The following MMS22L variants were observed in gnomAD, a reference collection of about 807,000 sequenced individuals.
The protein encoded by MMS22L is MMS22 like, DNA repair protein.
Under a neutral mutation model 159.1 loss-of-function variants are expected in MMS22L, and 74 were observed. The ratio of observed to expected loss-of-function variants is 0.47; its 90% confidence interval spans 0.39 to 0.56. MMS22L has a LOEUF of 0.56. MMS22L is among the 20% of genes least tolerant of loss of function. The pLI, the probability that MMS22L is intolerant of heterozygous loss-of-function variation, is 0.00. For missense variants in MMS22L, 1,351 were observed against 1,422.1 expected, an observed-to-expected ratio of 0.95 and a Z score of 0.80; for synonymous variants, 517 against 506.9, an observed-to-expected ratio of 1.02 and a Z score of -0.27.
chr6:97,228,916 GT>G lies in MMS22L; in HGVS notation c.2016del (p.Gln673LysfsTer53). ...ESELRTVLSF[L>X]QAVLARIRSM... ...TACCTGATTCTGGCCAGAACAGCTT[GT>G]AGGAAGCTCAATACTGTCCTAAGTT... is the stretch of plus-strand genomic sequence containing the variant. On this transcript the variant is annotated frameshift_variant, in exon 14 of 25. Transcript: ENST00000683635. LOFTEE classifies it high-confidence loss of function. 1 of 1,613,602 alleles carries G rather than the reference GT, an allele frequency of 6.2e-7. No homozygotes were observed.
chr6:97,178,089 A>G (rs533155866), intron 18 of MMS22L, among the ~76,000 whole-genome samples: 1 of 152,284 alleles, frequency 6.6e-6, no homozygotes, highest in South Asian at 2.1e-4. Flanking sequence ...AGGTGGGAGT[A>G]TCATGGAATG....
chr6:97,189,533 A>G (rs1231301884), intron 14 of MMS22L, among the ~76,000 whole-genome samples: 1 of 126,000 alleles, frequency 7.9e-6, no homozygotes, highest in Admixed American at 9.5e-5. Context: ...AGCCTGGGCA[A>G]CAGCGAGACT....
At chr6:97,243,907 G>C (rs1812352577) in intron 11 of MMS22L, among the ~76,000 whole-genome samples, 1 of 152,128 alleles carries the variant, frequency 6.6e-6, no homozygotes, top group African/African-American at 2.4e-5. Context: ...AAAGAGTCCT[G>C]TGATGTGATC....
At chr6:97,171,736 T>C (rs188411177) in intron 19 of MMS22L, among the ~76,000 whole-genome samples, 49 of 152,272 alleles carry the variant, frequency 3.2e-4, no homozygotes, top group Admixed American at 2.9e-3. Context: ...TCAAGGTAAA[T>C]AGAGTACAGT....
rs115211711 is a variant in MMS22L at position 97,167,776 on chromosome 6, T to A, written c.3009+295A>T. ...TGATGTCCTCTACAGTGTATTCTCT[T>A]ATATCTCCTCACCCATAGTCTAATA... On this transcript the variant is annotated intron_variant, in intron 20 of 24. Coordinates refer to ENST00000683635, the MANE Select transcript of MMS22L (RefSeq NM_001350599.2). Among the ~76,000 whole-genome samples the A allele has an allele frequency of 2.9e-3, 434 of 152,096 alleles. 1 individual carries two copies. The highest frequency in any genetic ancestry group is 9.9e-3 in the African/African-American group (412 of 41,446).
At chr6:97,155,763 T>A (rs1293692397) in intron 22 of MMS22L, among the ~76,000 whole-genome samples, 1 of 152,190 alleles carries the variant, frequency 6.6e-6, no homozygotes, top group African/African-American at 2.4e-5. Context: ...ACAATAGACT[T>A]CGCTATTGTA....
chr6:97,171,259 G>T (rs1017040900), intron 19 of MMS22L, among the ~76,000 whole-genome samples: 3 of 152,076 alleles, frequency 2.0e-5, no homozygotes, highest in Middle Eastern at 3.4e-3. Context: ...AATTTGGTGG[G>T]GGCATGTCAA....
chr6:97,165,179 C>T (rs1802833831), intron 21 of MMS22L, 67 bp downstream of exon 21: 4 of 1,428,054 alleles, frequency 2.8e-6, no homozygotes, highest in East Asian at 2.3e-5. Flanking sequence ...GTTTGAAATG[C>T]CACTTTATCA....
chr6:97,237,439 A>G lies in MMS22L; in HGVS notation c.1183-3459T>C, dbSNP rs1363923963. ...CACTTCAAACTACAAGTTCTCCAGA[A>G]AACTTCCTAACTCCCTTACTAGATA... On this transcript the variant is annotated intron_variant, in intron 11 of 24. Transcript: ENST00000683635. Among the ~76,000 whole-genome samples the G allele has an allele frequency of 3.9e-5, 6 of 152,152 alleles. No individual in the cohort carries two copies. The East Asian group carries it at 1.2e-3, about 29-fold the overall frequency.
intron 21 of MMS22L, among the ~76,000 whole-genome samples, chr6:97,162,451 C>T (rs1161127267): frequency 2.0e-5 from 3 of 151,842 alleles, no homozygotes; most frequent in Non-Finnish European, 4.4e-5. Context: ...AAATGAAAGC[C>T]TAACTGTTAA....
intron 14 of MMS22L, among the ~76,000 whole-genome samples, chr6:97,200,425 A>G (rs1807013845): frequency 6.6e-6 from 1 of 152,112 alleles, no homozygotes; most frequent in Non-Finnish European, 1.5e-5. Context: ...AAGCTCCATT[A>G]TTAGGGCTGA....
intron 14 of MMS22L, among the ~76,000 whole-genome samples, chr6:97,197,254 T>C (rs1307026468): frequency 6.6e-6 from 1 of 152,208 alleles, no homozygotes; most frequent in African/African-American, 2.4e-5. Context: ...GATCATCATC[T>C]GATTGTGACA....
At chr6:97,256,047 TATA>T (rs1176605924) in intron 9 of MMS22L, among the ~76,000 whole-genome samples, 8 of 152,158 alleles carry the variant, frequency 5.3e-5, no homozygotes, top group Non-Finnish European at 8.8e-5. Flanking sequence ...TTGCAGGTAA[TATA>T]ATGACTAATA....
chr6:97,229,309 C>T lies in MMS22L; in HGVS notation c.1624G>A (p.Ala542Thr), dbSNP rs766739603. The part of the protein sequence containing the change: ...FSLFLLLAAV[A>T]EVEDVASHVL... Reference sequence around the variant, plus strand: ...TGACTTGCAACATCTTCTACCTCTGCAACAGCTGCTAACAGTAGAAAAAGG... The same window carrying T: ...TGACTTGCAACATCTTCTACCTCTGTAACAGCTGCTAACAGTAGAAAAAGG... Residue 542 changes from alanine (A) to threonine (T), a missense_variant, in exon 14 of 25, where the codon GCA (alanine) becomes ACA (threonine). Coordinates refer to ENST00000683635, the MANE Select transcript of MMS22L (RefSeq NM_001350599.2). 3.7e-6 allele frequency: 6 copies of T among 1,614,118 alleles called. No individual in the cohort carries two copies. Among genetic ancestry groups the T allele is most frequent in the Admixed American group, 3.3e-5 (2 of 60,008 alleles).
At chr6:97,172,196 C>T (rs1056290579) in intron 19 of MMS22L, among the ~76,000 whole-genome samples, 1 of 152,062 alleles carries the variant, frequency 6.6e-6, no homozygotes, top group Non-Finnish European at 1.5e-5. Flanking sequence ...TATAAATTCT[C>T]ACTTACATTT....
At chr6:97,218,138 A>C (rs1209808285) in intron 14 of MMS22L, among the ~76,000 whole-genome samples, 1 of 152,206 alleles carries the variant, frequency 6.6e-6, no homozygotes, top group Non-Finnish European at 1.5e-5. Context: ...TCCAGAAAAT[A>C]CTAAGGAAAA....
chr6:97,231,407 C>G lies in MMS22L; in HGVS notation c.1529+19G>C, dbSNP rs1197811010. ...CAAAGATATCAGTGCACACTCATGACAGAAGATACTGCATATACCTTCCTT... is the reference window on the plus strand; with the variant it reads ...CAAAGATATCAGTGCACACTCATGAGAGAAGATACTGCATATACCTTCCTT... On this transcript the variant is annotated intron_variant, in intron 13 of 24. Transcript: ENST00000683635. 1 of 1,553,370 alleles carries G rather than the reference C, an allele frequency of 6.4e-7. No individual in the cohort carries two copies. The highest frequency in any genetic ancestry group is 1.1e-5 in the South Asian group (1 of 89,310).
chr6:97,177,933 T>A (rs972606061), intron 18 of MMS22L, among the ~76,000 whole-genome samples: 2 of 152,156 alleles, frequency 1.3e-5, no homozygotes, highest in Admixed American at 1.3e-4. Flanking sequence ...GTACAATTAA[T>A]AATTAAAAAT....
chr6:97,158,836 C>A (rs1478606578), intron 22 of MMS22L, among the ~76,000 whole-genome samples: 1 of 151,966 alleles, frequency 6.6e-6, no homozygotes, highest in South Asian at 2.1e-4. Flanking sequence ...TCTGCTTGGT[C>A]CAGAGCTGAG....
Sources: allele counts gnomAD v4.1 joint callset (sites outside exome capture counted in the v4.1 genomes callset), GRCh38; gene constraint gnomAD v4.1.1; transcripts MANE v1.5; gene names NCBI Gene and HGNC (gene_info 2026-07-23, HGNC 2026-07-21).